The following SLC2A9 variants were observed in gnomAD, a reference collection of about 807,000 sequenced individuals.
SLC2A9 encodes solute carrier family 2, facilitated glucose transporter member 9.
SLC2A9 carries 39 observed loss-of-function variants against 50.6 expected under a neutral mutation model. The observed-to-expected ratio is 0.77, with a 90% CI of 0.60 to 1.01. The LOEUF (loss-of-function observed/expected upper bound fraction) is 1.01. Among genes scored for constraint, SLC2A9 ranks in the 50% least tolerant of loss-of-function variants. The probability of loss-of-function intolerance (pLI) is 0.00; values close to 1 mark genes in which losing one functional copy is unlikely to be tolerated. For missense variants in SLC2A9, 686 were observed against 677.6 expected, an observed-to-expected ratio of 1.01 and a Z score of -0.14; for synonymous variants, 324 against 276.9, an observed-to-expected ratio of 1.17 and a Z score of -1.69.
At chr4:9,828,896 G>C (rs1439330821) in intron 11 of SLC2A9, among the ~76,000 whole-genome samples, 1 of 152,150 alleles carries the variant, frequency 6.6e-6, no homozygotes, top group East Asian at 1.9e-4. Flanking sequence ...AGCCCGGAGA[G>C]TCTCTGATAT....
intron 3 of SLC2A9, chr4:9,783,686 G>A: frequency 5.4e-6 from 3 of 554,280 alleles, no homozygotes; most frequent in Non-Finnish European, 9.8e-6. Context: ...TACCAGAGAT[G>A]GACCAACGAT....
intron 6 of SLC2A9, among the ~76,000 whole-genome samples, chr4:9,937,557 G>A (rs116602768): frequency 1.1e-3 from 174 of 152,322 alleles, no homozygotes; most frequent in Non-Finnish European, 2.0e-3. Flanking sequence ...AGCAGAGACC[G>A]AGAGAAGACC....
intron 8 of SLC2A9, among the ~76,000 whole-genome samples, chr4:9,893,910 T>C (rs1335031262): frequency 6.6e-6 from 1 of 152,240 alleles, no homozygotes; most frequent in East Asian, 1.9e-4. Context: ...CATGTTAATC[T>C]TGGCGTAGCA....
At chr4:9,948,008 G>A (rs1312120930) in intron 5 of SLC2A9, among the ~76,000 whole-genome samples, 6 of 151,916 alleles carry the variant, frequency 3.9e-5, no homozygotes, top group Non-Finnish European at 8.8e-5. Context: ...CCATCACCTC[G>A]CCATACAGGA....
intron 8 of SLC2A9, among the ~76,000 whole-genome samples, chr4:9,893,057 G>A (rs1033518960): frequency 2.6e-5 from 4 of 152,208 alleles, no homozygotes; most frequent in Non-Finnish European, 5.9e-5. Context: ...GCTGGTAAGT[G>A]GCAAAGCTGG....
intron 10 of SLC2A9, among the ~76,000 whole-genome samples, chr4:9,855,930 C>T (rs1421544584): frequency 3.3e-5 from 5 of 152,136 alleles, no homozygotes; most frequent in African/African-American, 7.2e-5. Context: ...TGAAACTGGA[C>T]CTCTTCCTTA....
intron 10 of SLC2A9, among the ~76,000 whole-genome samples, chr4:9,883,097 C>T (rs547264235): frequency 3.5e-4 from 53 of 151,940 alleles, no homozygotes; most frequent in Admixed American, 3.0e-3. Context: ...GACAACTATG[C>T]ATCCTAATGT....
intron 10 of SLC2A9, among the ~76,000 whole-genome samples, chr4:9,884,790 C>T (rs1221392007): frequency 1.3e-5 from 2 of 152,100 alleles, no homozygotes; most frequent in Non-Finnish European, 2.9e-5. Flanking sequence ...CAATGATAGA[C>T]TGGATAAAGA....
rs116183067 is a variant in SLC2A9, at chr4:9,941,918, A to G, written c.809T>C (p.Val270Ala). The G allele has an allele frequency of 6.4e-4, 1,033 of 1,614,076 alleles. 8 individuals carry two copies. In the African/African-American group the frequency reaches 0.012, roughly 18 times the overall value. Residue 270 changes from valine (V) to alanine (A), a missense_variant, in exon 6 of 12, where the codon GTG becomes GCG. By Grantham distance (64) the Val-to-Ala change is moderately conservative (BLOSUM62 0). Coordinates refer to ENST00000264784, the MANE Select transcript of SLC2A9 (RefSeq NM_020041.3). ...GGAAAGGGAAGGGCCCTCACCTTTC[A>G]CAGCTCTTGCCTCGTTGTGCTTCTC... Reference protein sequence around the residue: ...LLEKHNEARAVKAFQTFLGKA... With the variant: ...LLEKHNEARAAKAFQTFLGKA...
chr4:9,824,040 A>G (rs933199943), downstream of SLC2A9, among the ~76,000 whole-genome samples: 1 of 152,178 alleles, frequency 6.6e-6, no homozygotes, highest in Admixed American at 6.5e-5. Flanking sequence ...TTAATCCCCA[A>G]TGCGGCAGTA....
chr4:9,920,539 G>A lies in SLC2A9; in HGVS notation c.848C>T (p.Ser283Phe). ...FQTFLGKADV[S>F]QEVEEVLAES... Reference sequence around the variant, plus strand: ...AGCCAGGACCTCCTCTACCTCTTGGGAAACGTCTGCTTTACCCAAGAACGT... The same window carrying A: ...AGCCAGGACCTCCTCTACCTCTTGGAAAACGTCTGCTTTACCCAAGAACGT... Residue 283 changes from serine (S) to phenylalanine (F), a missense_variant, in exon 7 of 12, where the codon TCC becomes TTC. Coordinates refer to ENST00000264784, the MANE Select transcript of SLC2A9 (RefSeq NM_020041.3). 1 of 1,614,174 alleles carries A rather than the reference G, an allele frequency of 6.2e-7. No homozygotes were observed. Among genetic ancestry groups the A allele is most frequent in the Non-Finnish European group, 8.5e-7 (1 of 1,180,048 alleles).
chr4:9,932,105 AAT>A (rs1746258849), intron 6 of SLC2A9, among the ~76,000 whole-genome samples: 2 of 148,954 alleles, frequency 1.3e-5, no homozygotes, highest in African/African-American at 5.0e-5. Context: ...AATGATCTAA[AAT>A]ATTTCCCTTG....
intron 10 of SLC2A9, among the ~76,000 whole-genome samples, chr4:9,835,227 T>C (rs1264490209): frequency 6.6e-6 from 1 of 152,190 alleles, no homozygotes; most frequent in Non-Finnish European, 1.5e-5. Context: ...TATTACCCTT[T>C]ACTTTCTGAT....
intron 6 of SLC2A9, among the ~76,000 whole-genome samples, chr4:9,920,968 C>A (rs1362642495): frequency 6.6e-6 from 1 of 152,212 alleles, no homozygotes; most frequent in Non-Finnish European, 1.5e-5. Flanking sequence ...ATACATTCAA[C>A]CATGGCTCGG....
At chr4:10,016,976 G>A (rs370513891) in intron 2 of SLC2A9, among the ~76,000 whole-genome samples, 4 of 151,838 alleles carry the variant, frequency 2.6e-5, no homozygotes, top group Non-Finnish European at 2.9e-5. Flanking sequence ...CACATCACAC[G>A]CTACTAACTT....
At chr4:9,948,796 T>A (rs1749673887) in intron 5 of SLC2A9, among the ~76,000 whole-genome samples, 1 of 152,232 alleles carries the variant, frequency 6.6e-6, no homozygotes, top group Non-Finnish European at 1.5e-5. Context: ...GGCACTGATC[T>A]GAGCTCATTC....
At chr4:9,811,555 T>C (rs1181776468) in intron 3 of SLC2A9, among the ~76,000 whole-genome samples, 1 of 151,890 alleles carries the variant, frequency 6.6e-6, no homozygotes, top group East Asian at 1.9e-4. Flanking sequence ...CCCAGTTGAG[T>C]CCCCTGACAT....
intron 2 of SLC2A9, among the ~76,000 whole-genome samples, chr4:10,013,599 G>T (rs1345787120): frequency 6.6e-6 from 1 of 152,222 alleles, no homozygotes; most frequent in Non-Finnish European, 1.5e-5. Flanking sequence ...CTGAACCTGG[G>T]TCAAGTGCAG....
intron 2 of SLC2A9, among the ~76,000 whole-genome samples, chr4:10,002,091 C>T (rs1156561740): frequency 6.6e-6 from 1 of 152,202 alleles, no homozygotes; most frequent in African/African-American, 2.4e-5. Context: ...AGCAGGGGAG[C>T]TGCAATGTCC....
Sources: gnomAD v4.1 joint callset for allele counts (sites outside exome capture counted in the v4.1 genomes callset) on GRCh38, gnomAD v4.1.1 for gene constraint, MANE v1.5 for transcripts, NCBI Gene and HGNC (gene_info 2026-07-23, HGNC 2026-07-21) for gene names.